The following ATG13 variants were observed in gnomAD, a reference collection of about 807,000 sequenced individuals.
ATG13 encodes the protein autophagy-related protein 13.
ATG13 carries 23 observed loss-of-function variants against 65.5 expected under a neutral mutation model. The observed-to-expected ratio is 0.35, with a 90% CI of 0.25 to 0.50. ATG13 has a LOEUF of 0.50. ATG13 is among the 20% of genes least tolerant of loss of function. The pLI, the probability that ATG13 is intolerant of heterozygous loss-of-function variation, is 0.98. For missense variants in ATG13, 566 were observed against 677.0 expected, an observed-to-expected ratio of 0.84 and a Z score of 1.82; for synonymous variants, 252 against 245.2, an observed-to-expected ratio of 1.03 and a Z score of -0.26.
In ATG13 at chr11:46,668,439, A is replaced by G. The variant is rs145754305; in HGVS notation, c.1252-60A>G. The G allele has an allele frequency of 3.7e-4, 571 of 1,542,694 alleles. 1 individual carries two copies. The African/African-American group carries it at 7.1e-3, about 19-fold the overall frequency. On this transcript the variant is annotated intron_variant, in intron 15 of 18. Transcript: ENST00000683050. ...ACCTCTAGGCTTCTGGCAACCAGGA[A>G]GGAAGCATGAACACTGCAGGAGGGG...
At chr11:46,668,422 G>A in intron 15 of ATG13, 77 bp from the exon 16 acceptor site, 1 of 1,458,608 alleles carries the variant, frequency 6.9e-7, no homozygotes, top group East Asian at 2.3e-5. Flanking sequence ...GGACCTCTAG[G>A]CTTCTGGCAA....
intron 3 of ATG13, 66 bp from the exon 4 acceptor site, chr11:46,645,273 G>A (rs1191867824): frequency 4.2e-6 from 6 of 1,413,414 alleles, no homozygotes; most frequent in African/African-American, 2.9e-5. Context: ...AACCCTGATC[G>A]GGAGCCAGAT....
chr11:46,659,201 T>C (rs1274277644), intron 10 of ATG13, 191 bp from the exon 11 acceptor site: 2 of 533,756 alleles, frequency 3.7e-6, no homozygotes, highest in South Asian at 2.4e-5. Flanking sequence ...AACAAAACAT[T>C]GTCAAACCTC....
intron 18 of ATG13, among the ~76,000 whole-genome samples, chr11:46,671,885 T>C (rs1397873432): frequency 6.6e-6 from 1 of 152,250 alleles, no homozygotes; most frequent in Non-Finnish European, 1.5e-5. Context: ...AAGAAATCTT[T>C]TGTAAACTGT....
intron 2 of ATG13, 39 bp from the exon 3 acceptor site, chr11:46,644,240 A>G: frequency 2.1e-6 from 3 of 1,446,442 alleles, no homozygotes; most frequent in Non-Finnish European, 2.8e-6. Context: ...ATGCCTTTTT[A>G]AAGATATTAG....
intron 17 of ATG13, among the ~76,000 whole-genome samples, chr11:46,669,203 G>T (rs1156519478): frequency 6.6e-6 from 1 of 152,104 alleles, no homozygotes; most frequent in Non-Finnish European, 1.5e-5. Flanking sequence ...TGAAGGAGTG[G>T]GACATAAACT....
chr11:46,657,005 A>G, intron 8 of ATG13, 90 bp from the exon 9 acceptor site: 7 of 1,097,050 alleles, frequency 6.4e-6, no homozygotes, highest in Non-Finnish European at 8.4e-6. Flanking sequence ...CAGAGATTAC[A>G]CAATAGGCCA....
intron 18 of ATG13, among the ~76,000 whole-genome samples, chr11:46,671,459 C>T (rs1282898811): frequency 2.0e-5 from 3 of 152,212 alleles, no homozygotes; most frequent in African/African-American, 2.4e-5. Context: ...AGATTCTGGC[C>T]GGGTGCAGTG....
At chr11:46,661,746 G>A (rs988980120) in intron 11 of ATG13, among the ~76,000 whole-genome samples, 2 of 152,072 alleles carry the variant, frequency 1.3e-5, no homozygotes, top group African/African-American at 4.8e-5. Flanking sequence ...TGGGAGGATC[G>A]CCTGAGCCTG....
chr11:46,619,753 G>A (rs7952678), intron 1 of ATG13, among the ~76,000 whole-genome samples: 5,675 of 151,852 alleles, frequency 0.037, 367 homozygotes, highest in African/African-American at 0.13. Context: ...GAAGGGGCCG[G>A]GCAGGGTGGC....
intron 2 of ATG13, among the ~76,000 whole-genome samples, chr11:46,635,054 C>G (rs1203167215): frequency 6.7e-6 from 1 of 150,358 alleles, no homozygotes; most frequent in East Asian, 2.0e-4. Flanking sequence ...GTCTCCTAGT[C>G]TGGAGTGCAA....
At chr11:46,659,912 T>C (rs2060792232) in intron 11 of ATG13, 1 of 156,166 alleles carries the variant, frequency 6.4e-6, no homozygotes, top group Non-Finnish European at 1.4e-5. Context: ...GTACAGCTTT[T>C]CTTTATAGTT....
At chr11:46,622,283 A>G (rs1223534775) in intron 1 of ATG13, among the ~76,000 whole-genome samples, 1 of 150,892 alleles carries the variant, frequency 6.6e-6, no homozygotes, top group Admixed American at 6.6e-5. Context: ...ATGCCTGGCT[A>G]ATTTTTTATA....
At position 46,617,600 on chromosome 11, in the gene ATG13, G is replaced by A. The variant is rs1198406072; in HGVS notation, c.-360G>A. 2 of 254,384 alleles carry A rather than the reference G, an allele frequency of 7.9e-6. No individual in the cohort carries two copies. The highest frequency in any genetic ancestry group is 1.4e-5 in the Non-Finnish European group (2 of 142,850). The allele number at this position is 254,384 out of a possible 1,614,324, so 15.8% of individuals were successfully genotyped here. A position where few individuals can be genotyped will look rare whatever the true frequency, so the allele number is the denominator to read the frequency against. On this transcript the variant is annotated 5_prime_UTR_variant, in exon 1 of 19. Transcript: ENST00000683050. ...AACAAACACTAACGATGGCGGCGCC[G>A]GGAAGCGACCGGCTGCTGGGCTTAA...
intron 7 of ATG13, 47 bp from the exon 8 acceptor site, chr11:46,656,186 T>C: frequency 6.4e-7 from 1 of 1,569,166 alleles, no homozygotes; most frequent in Non-Finnish European, 8.8e-7. Context: ...TAGAGGCCCT[T>C]AGGAGTAAAG....
Position 46,645,855 on chromosome 11 carries a change from C to G in ATG13, c.151-15C>G, listed in dbSNP as rs1273182949. The G allele has an allele frequency of 1.9e-6, 3 of 1,613,674 alleles. No homozygotes were observed. The Admixed American group carries it at 5.0e-5, about 27-fold the overall frequency. On this transcript the variant is annotated splice_polypyrimidine_tract_variant and intron_variant, in intron 4 of 18. Coordinates refer to ENST00000683050, the MANE Select transcript of ATG13 (RefSeq NM_001346311.2). ...CCTGTGAGTGTTTCATGCAAAAGTC[C>G]CTTTTGTTTTCCAGTTCAACTTAGC...
intron 7 of ATG13, among the ~76,000 whole-genome samples, chr11:46,650,676 G>T (rs2058710476): frequency 1.3e-5 from 2 of 152,150 alleles, no homozygotes; most frequent in Admixed American, 1.3e-4. Flanking sequence ...CGCGATCTTG[G>T]CCCATTGCAG....
At chr11:46,655,444 G>A (rs1284217201) in intron 7 of ATG13, among the ~76,000 whole-genome samples, 1 of 151,840 alleles carries the variant, frequency 6.6e-6, no homozygotes, top group East Asian at 1.9e-4. Context: ...GTGGTGGCAT[G>A]CGTCTGTAAT....
intron 1 of ATG13, chr11:46,618,165 G>T (rs1011973937): frequency 1.7e-5 from 6 of 346,014 alleles, no homozygotes; most frequent in Non-Finnish European, 3.1e-5. Context: ...GGTAATTTGG[G>T]GGGCCATAAC....
Sources: allele counts gnomAD v4.1 joint callset (sites outside exome capture counted in the v4.1 genomes callset), GRCh38; gene constraint gnomAD v4.1.1; transcripts MANE v1.5; gene names NCBI Gene and HGNC (gene_info 2026-07-23, HGNC 2026-07-21).